Variants in KAZN observed in about 807,000 individuals in gnomAD.
The protein encoded by KAZN is kazrin, periplakin interacting protein.
KAZN carries 40 observed loss-of-function variants against 87.4 expected under a neutral mutation model. The ratio of observed to expected loss-of-function variants is 0.46; its 90% CI spans 0.36 to 0.60. KAZN has a LOEUF of 0.60. KAZN is among the 20% of genes least tolerant of loss of function. KAZN has a pLI of 0.00. For missense variants in KAZN, 898 were observed against 1,073.9 expected (o/e 0.84, Z 2.29); for synonymous variants, 466 against 458.3 (o/e 1.02, Z -0.22).
chr1:14,149,104 CTTTTTT>C (rs57657728), intron 1 of KAZN, among the ~76,000 whole-genome samples: 1 of 69,592 alleles, frequency 1.4e-5, no homozygotes, highest in Non-Finnish European at 2.5e-5. Context: ...TCTTTCTTTC[CTTTTTT>C]TTTTTTTTTT....
intron 1 of KAZN, among the ~76,000 whole-genome samples, chr1:14,121,756 C>T (rs1175367945): frequency 6.6e-6 from 1 of 152,166 alleles, no homozygotes; most frequent in African/African-American, 2.4e-5. Context: ...AGAACTAACA[C>T]ACAAGCTAAG....
chr1:14,706,411 C>T (rs917894954), intron 1 of KAZN, among the ~76,000 whole-genome samples: 20 of 152,010 alleles, frequency 1.3e-4, no homozygotes, highest in Admixed American at 5.3e-4. Context: ...CTGTTCTGCA[C>T]CACTGTAGGA....
At chr1:13,959,570 C>T (rs972722074) in intron 1 of KAZN, among the ~76,000 whole-genome samples, 1 of 152,178 alleles carries the variant, frequency 6.6e-6, no homozygotes, top group African/African-American at 2.4e-5. Flanking sequence ...ATGGCCCTGC[C>T]CTCTCGCACC....
chr1:14,247,677 A>G (rs1301257326), intron 2 of KAZN, among the ~76,000 whole-genome samples: 1 of 152,212 alleles, frequency 6.6e-6, no homozygotes, highest in African/African-American at 2.4e-5. Context: ...GAGACCATTC[A>G]AGGTGTGCAC....
intron 2 of KAZN, among the ~76,000 whole-genome samples, chr1:14,516,130 G>A (rs78055744): frequency 5.3e-4 from 81 of 152,288 alleles, no homozygotes; most frequent in East Asian, 3.1e-3. Context: ...CAAGTCGAAC[G>A]TAAATTAACT....
chr1:14,043,397 G>A (rs1477382239), intron 1 of KAZN, among the ~76,000 whole-genome samples: 5 of 152,298 alleles, frequency 3.3e-5, no homozygotes, highest in African/African-American at 7.2e-5. Flanking sequence ...TGCCGTAAAC[G>A]TGGGTGTACA....
intron 1 of KAZN, among the ~76,000 whole-genome samples, chr1:14,125,613 T>TGG (rs1257762201): frequency 6.6e-6 from 1 of 152,132 alleles, no homozygotes; most frequent in Non-Finnish European, 1.5e-5. Flanking sequence ...TATGGTTCCC[T>TGG]GGAGACTTTT....
intron 1 of KAZN, among the ~76,000 whole-genome samples, chr1:14,916,912 CA>C (rs34571740): frequency 0.12 from 17,451 of 141,604 alleles, 1,137 homozygotes; most frequent in Non-Finnish European, 0.16. Context: ...GACCTTGTCT[CA>C]AAAAAAAAAA....
intron 1 of KAZN, among the ~76,000 whole-genome samples, chr1:14,100,231 T>C (rs1374111803): frequency 6.6e-6 from 1 of 152,104 alleles, no homozygotes; most frequent in Non-Finnish European, 1.5e-5. Flanking sequence ...AATCCCCCAC[T>C]TGAGGTGGCT....
At chr1:14,528,047 C>CTATG (rs1671994251) in intron 2 of KAZN, among the ~76,000 whole-genome samples, 1 of 147,262 alleles carries the variant, frequency 6.8e-6, no homozygotes, top group Admixed American at 6.8e-5. Flanking sequence ...ATCTATCTAT[C>CTATG]TATGTACCTA....
chr1:14,538,432 A>T (rs995318863), intron 2 of KAZN, among the ~76,000 whole-genome samples: 8 of 152,228 alleles, frequency 5.3e-5, no homozygotes, highest in Admixed American at 1.3e-4. Flanking sequence ...GTATTTTCTT[A>T]CAGTTGTGGA....
intron 1 of KAZN, among the ~76,000 whole-genome samples, chr1:14,709,103 G>A (rs192495440): frequency 2.0e-5 from 3 of 152,222 alleles, no homozygotes; most frequent in African/African-American, 7.2e-5. Context: ...ACACACCTGC[G>A]TCTGCTCACT....
intron 1 of KAZN, among the ~76,000 whole-genome samples, chr1:14,665,574 G>A (rs978395261): frequency 5.3e-5 from 8 of 152,124 alleles, no homozygotes; most frequent in African/African-American, 9.7e-5. Flanking sequence ...GAATAGTGGC[G>A]TGGTTGAGGG....
chr1:14,326,614 C>T (rs1248576867), intron 2 of KAZN, among the ~76,000 whole-genome samples: 1 of 152,214 alleles, frequency 6.6e-6, no homozygotes, highest in Non-Finnish European at 1.5e-5. Flanking sequence ...CCGTCTCACA[C>T]AACTCTGCAT....
At chr1:14,172,648 G>C (rs1218563278) in intron 1 of KAZN, among the ~76,000 whole-genome samples, 1 of 152,202 alleles carries the variant, frequency 6.6e-6, no homozygotes, top group Non-Finnish European at 1.5e-5. Flanking sequence ...CAGGAATTTG[G>C]GTATTGCACA....
chr1:13,904,666 C>T (rs941191767), intron 1 of KAZN, among the ~76,000 whole-genome samples: 2 of 152,146 alleles, frequency 1.3e-5, no homozygotes, highest in South Asian at 4.1e-4. Context: ...GGTGATCTCT[C>T]TTTTCTATGG....
chr1:14,524,261 G>T (rs1404846741), intron 2 of KAZN, among the ~76,000 whole-genome samples: 3 of 151,940 alleles, frequency 2.0e-5, no homozygotes, highest in African/African-American at 7.3e-5. Flanking sequence ...ACCTCAAGTG[G>T]TCCACTCGCC....
chr1:14,511,341 C>T (rs921025001), intron 2 of KAZN, among the ~76,000 whole-genome samples: 4 of 152,116 alleles, frequency 2.6e-5, no homozygotes, highest in African/African-American at 9.7e-5. Flanking sequence ...CATATTGGAG[C>T]CAAGAAGAAT....
chr1:14,177,635 T>C (rs547851281), intron 1 of KAZN, among the ~76,000 whole-genome samples: 14 of 152,280 alleles, frequency 9.2e-5, no homozygotes, highest in African/African-American at 3.4e-4. Flanking sequence ...AAGGCTGACA[T>C]TGTTTTTTGG....
Sources: gnomAD v4.1 joint callset for allele counts (sites outside exome capture counted in the v4.1 genomes callset) on GRCh38, gnomAD v4.1.1 for gene constraint, MANE v1.5 for transcripts, NCBI Gene and HGNC (gene_info 2026-07-23, HGNC 2026-07-21) for gene names.